BLM: variants seen among roughly 807,000 people sequenced by gnomAD.
The protein encoded by BLM is BLM RecQ like helicase, also known as recQ-like DNA helicase BLM.
In BLM, 95 loss-of-function variants were observed where a neutral mutation model predicts 135.3. The observed-to-expected ratio is 0.70, with a 90% confidence interval of 0.59 to 0.83. The LOEUF is 0.83. Ranked by LOEUF, BLM falls within the 40% of genes least tolerant of loss-of-function variation. BLM has a pLI of 0.00. For missense variants in BLM, 1,518 were observed against 1,663.9 expected, an observed-to-expected ratio of 0.91 and a Z score of 1.53; for synonymous variants, 520 against 589.2, an observed-to-expected ratio of 0.88 and a Z score of 1.70.
intron 12 of BLM, among the ~76,000 whole-genome samples, chr15:90,770,020 A>G (rs1027559670): frequency 1.3e-5 from 2 of 151,968 alleles, no homozygotes; most frequent in African/African-American, 4.8e-5. Flanking sequence ...ATTTCCCCCT[A>G]AGGTCCCAGT....
Position 90,754,727 on chromosome 15 carries a change from A to G in BLM, c.960-84A>G, listed in dbSNP as rs1596223616. On this transcript the variant is annotated intron_variant, in intron 4 of 21. Transcript: ENST00000355112. ...TGTTATATATTGTCTGATCAGTGGT[A>G]GAAAAATATTAAGGGTTTCAAAATT... is the stretch of plus-strand genomic sequence containing the variant. 16 of 1,404,082 alleles carry G rather than the reference A, an allele frequency of 1.1e-5. No homozygotes were observed. In the East Asian group the frequency reaches 3.6e-4, roughly 31 times the overall value. 87.0% of individuals were successfully genotyped at this position (1,404,082 alleles called of 1,614,324 possible). A position where few individuals can be genotyped will look rare whatever the true frequency, so the allele number is the denominator to read the frequency against.
chr15:90,765,713 C>G (rs575847064), intron 9 of BLM, among the ~76,000 whole-genome samples: 2 of 152,298 alleles, frequency 1.3e-5, no homozygotes, highest in South Asian at 2.1e-4. Context: ...GCATAGTTCT[C>G]TTTCCCTTAT....
At chr15:90,793,377 C>T (rs544854263) in intron 15 of BLM, among the ~76,000 whole-genome samples, 7 of 151,558 alleles carry the variant, frequency 4.6e-5, no homozygotes, top group Non-Finnish European at 7.4e-5. Context: ...TCAGGTGATC[C>T]GCCCACCTTG....
chr15:90,793,483 C>T (rs1273820010), intron 15 of BLM, among the ~76,000 whole-genome samples: 3 of 152,202 alleles, frequency 2.0e-5, no homozygotes, highest in Admixed American at 6.5e-5. Context: ...AAGTATGCCA[C>T]TGCTGTTCTC....
chr15:90,760,608 C>T lies in BLM; in HGVS notation c.1235C>T (p.Thr412Met), dbSNP rs775209685. 1.4e-5 allele frequency: 22 copies of T among 1,610,858 alleles called. No individual in the cohort carries two copies. The highest frequency in any genetic ancestry group is 6.7e-5 in the Admixed American group (4 of 59,866). ...TCTCTCTTCAGAAGGAAACTTCTAACGGAAGTAGATTTTAATAAAAGTGAT... is the reference window on the plus strand; with the variant it reads ...TCTCTCTTCAGAAGGAAACTTCTAATGGAAGTAGATTTTAATAAAAGTGAT... ...QQRNIRRKLLTEVDFNKSDAS... is the reference protein window; with the variant it reads ...QQRNIRRKLLMEVDFNKSDAS... Residue 412 changes from threonine to methionine, a missense_variant, in exon 7 of 22, where the codon ACG becomes ATG. Coordinates refer to ENST00000355112, the MANE Select transcript of BLM (RefSeq NM_000057.4).
chr15:90,762,534 G>A (rs537778020), intron 7 of BLM: 2 of 187,924 alleles, frequency 1.1e-5, no homozygotes, highest in Admixed American at 5.4e-5. Context: ...TGCTGCACAC[G>A]GGTCATGTTT....
rs111530633 is a variant in BLM at position 90,762,025 on chromosome 15, T to C, written c.1882+770T>C. Among the ~76,000 whole-genome samples the C allele has an allele frequency of 1.0e-3, 153 of 152,306 alleles. 2 individuals are homozygous for C. Among genetic ancestry groups the C allele is most frequent in the African/African-American group, 3.5e-3 (147 of 41,582 alleles). ...CCTCCCTATTTTTGCCATTGATGAC[T>C]TAATACCACGGAGGTTTTTCTTACA... is the stretch of plus-strand genomic sequence containing the variant. On this transcript the variant is annotated intron_variant, in intron 7 of 21. Transcript: ENST00000355112.
At chr15:90,779,857 G>A (rs1446812283) in intron 12 of BLM, among the ~76,000 whole-genome samples, 1 of 151,998 alleles carries the variant, frequency 6.6e-6, no homozygotes, top group Non-Finnish European at 1.5e-5. Context: ...AAGATATGAG[G>A]CCCTCCTACC....
Position 90,815,037 on chromosome 15 carries a change from G to A in BLM, c.4077-65G>A. The A allele has an allele frequency of 8.1e-7, 1 of 1,231,176 alleles. No individual in the cohort carries two copies. The allele number at this position is 1,231,176 out of a possible 1,614,324, so 76.3% of individuals were successfully genotyped here. Reference sequence around the variant, plus strand: ...GTGGTATTGTAGCTCTGTGCAGGTTGAGAGGAAGGTCATTCATTTTTGGTT... The same window carrying A: ...GTGGTATTGTAGCTCTGTGCAGGTTAAGAGGAAGGTCATTCATTTTTGGTT... On this transcript the variant is annotated intron_variant, in intron 21 of 21. Coordinates refer to ENST00000355112, the MANE Select transcript of BLM (RefSeq NM_000057.4). This position sits in a 1 kb window ranked among gnomAD's most constrained non-coding sequence, Gnocchi z 4.6.
At chr15:90,757,508 GAAGT>G (rs930183838) in intron 5 of BLM, among the ~76,000 whole-genome samples, 2 of 152,138 alleles carry the variant, frequency 1.3e-5, no homozygotes, top group Non-Finnish European at 2.9e-5. Flanking sequence ...AGAGAAAACA[GAAGT>G]AAGATAGGAA....
chr15:90,733,682 T>A (rs1895125714), intron 1 of BLM, among the ~76,000 whole-genome samples: 1 of 152,192 alleles, frequency 6.6e-6, no homozygotes, highest in Non-Finnish European at 1.5e-5. Context: ...CTGCACGTAT[T>A]TAAAGTATAC....
At chr15:90,743,931 T>C (rs1895435334) in intron 1 of BLM, among the ~76,000 whole-genome samples, 1 of 152,168 alleles carries the variant, frequency 6.6e-6, no homozygotes, top group Non-Finnish European at 1.5e-5. Flanking sequence ...AGAGGTCCCC[T>C]GGAGTTAAGG....
chr15:90,769,116 A>G lies in BLM; in HGVS notation c.2308-17A>G, dbSNP rs1242036150. ...GTGTTTCAGTGTTTTTACATGTCTAATGTATTTCTGGCCTAGATCTGTGCA... is the reference window on the plus strand; with the variant it reads ...GTGTTTCAGTGTTTTTACATGTCTAGTGTATTTCTGGCCTAGATCTGTGCA... On this transcript the variant is annotated splice_polypyrimidine_tract_variant and intron_variant, in intron 10 of 21. Coordinates refer to ENST00000355112, the MANE Select transcript of BLM (RefSeq NM_000057.4). The G allele has an allele frequency of 1.9e-6, 3 of 1,548,724 alleles. No individual in the cohort carries two copies. In the African/African-American group the frequency reaches 4.1e-5, roughly 21 times the overall value.
At chr15:90,788,122 T>A (rs762996866) in intron 14 of BLM, among the ~76,000 whole-genome samples, 7 of 151,726 alleles carry the variant, frequency 4.6e-5, no homozygotes, top group Non-Finnish European at 1.0e-4. Context: ...TAAAATGGGG[T>A]GGGGTGGAAA....
At chr15:90,796,460 C>T (rs980310544) in intron 16 of BLM, among the ~76,000 whole-genome samples, 2 of 152,186 alleles carry the variant, frequency 1.3e-5, no homozygotes, top group Non-Finnish European at 2.9e-5. Context: ...CACAACGACT[C>T]ACAGCTTTGC....
intron 8 of BLM, 106 bp downstream of exon 8, chr15:90,763,263 G>A: frequency 1.6e-6 from 2 of 1,226,226 alleles, no homozygotes; most frequent in East Asian, 4.7e-5. Context: ...CTATCATTTA[G>A]GGACCTCTTA....
At chr15:90,770,177 C>CCCCTT (rs1555420977) in intron 12 of BLM, among the ~76,000 whole-genome samples, 2 of 128,214 alleles carry the variant, frequency 1.6e-5, no homozygotes, top group African/African-American at 5.8e-5. Flanking sequence ...TCCCCCCCCC[C>CCCCTT]TTTTTTTTTT....
At chr15:90,724,948 G>A (rs527416260) in intron 1 of BLM, among the ~76,000 whole-genome samples, 72 of 152,006 alleles carry the variant, frequency 4.7e-4, no homozygotes, top group Non-Finnish European at 9.1e-4. Context: ...TCACTCTGTC[G>A]CCCAGGCTGG....
At chr15:90,772,872 C>T (rs913242113) in intron 12 of BLM, among the ~76,000 whole-genome samples, 5 of 151,686 alleles carry the variant, frequency 3.3e-5, no homozygotes, top group South Asian at 2.1e-4. Flanking sequence ...CCAAGGTGGG[C>T]GGATCACCTG....
Sources: gnomAD v4.1 joint callset for allele counts (sites outside exome capture counted in the v4.1 genomes callset) on GRCh38, gnomAD v4.1.1 for gene constraint, Gnocchi (gnomAD v3.1) non-coding constraint, MANE v1.5 for transcripts, NCBI Gene and HGNC (gene_info 2026-07-23, HGNC 2026-07-21) for gene names.